The following DIP2A variants were observed in gnomAD, a reference collection of about 807,000 sequenced individuals.
DIP2A encodes DIP2 acetate--CoA ligase A.
In DIP2A, 85 loss-of-function variants were observed where a neutral mutation model predicts 177.4. The observed-to-expected ratio is 0.48, with a 90% confidence interval of 0.40 to 0.57. DIP2A has a LOEUF of 0.57. Among genes scored for constraint, DIP2A ranks in the 20% least tolerant of loss-of-function variants. DIP2A has a pLI of 0.00. For synonymous variants in DIP2A, 886 were observed against 881.8 expected (o/e 1.00, Z -0.08); for missense variants, 1,791 against 2,100.2 (o/e 0.85, Z 2.88).
the DIP2A span, among the ~76,000 whole-genome samples, chr21:46,577,017 T>C: frequency 6.6e-6 from 1 of 152,242 alleles, no homozygotes. Context: ...TTGTAGATTC[T>C]AGATATTGGG....
At chr21:46,468,500 A>C (rs1393645569) in intron 1 of DIP2A, among the ~76,000 whole-genome samples, 4 of 152,034 alleles carry the variant, frequency 2.6e-5, no homozygotes, top group African/African-American at 9.7e-5. Context: ...AGTCAGACTC[A>C]TAGAAGCAGA....
intron 8 of DIP2A, among the ~76,000 whole-genome samples, chr21:46,519,855 A>ACTTTTTTTTTTTTTT (rs2058742276): frequency 1.9e-5 from 1 of 52,978 alleles, no homozygotes. Context: ...ATTGATCTAG[A>ACTTTTTTTTTTTTTT]TTTTTTTTTT....
chr21:46,493,060 C>T (rs1268780593), intron 3 of DIP2A, among the ~76,000 whole-genome samples: 1 of 152,190 alleles, frequency 6.6e-6, no homozygotes, highest in Non-Finnish European at 1.5e-5. Flanking sequence ...TCACCGGACA[C>T]CAACCATGAG....
In DIP2A at chr21:46,529,605, GA is replaced by G. The variant is rs111985953; in HGVS notation, c.1194+436del. ...ACAGAGTGAGACTCCGTCTCAAAGA[GA>G]AAAAAAAAAAAAAGCAGTGAAAAAT... On this transcript the variant is annotated intron_variant, in intron 9 of 37. Coordinates refer to ENST00000417564, the MANE Select transcript of DIP2A (RefSeq NM_015151.4). Among the ~76,000 whole-genome samples the G allele has an allele frequency of 3.0e-3, 361 of 119,960 alleles. 1 individual carries two copies. Among genetic ancestry groups the G allele is most frequent in the East Asian group, 0.015 (62 of 4,104 alleles). 78.7% of individuals were successfully genotyped at this position (119,960 alleles called of 152,430 possible). A position where few individuals can be genotyped will look rare whatever the true frequency, so the allele number is the denominator to read the frequency against.
At chr21:46,477,379 T>C (rs1382165005) in intron 1 of DIP2A, among the ~76,000 whole-genome samples, 1 of 151,170 alleles carries the variant, frequency 6.6e-6, no homozygotes, top group Non-Finnish European at 1.5e-5. Context: ...ATACAAAAAT[T>C]AACGGGGCGT....
rs1485471456 is a variant in DIP2A at position 46,550,891 on chromosome 21, C to T, written c.2839+147C>T. ...CAAGAGCCAGAGCGAGTGTGCACCC[C>T]AGAATGGTGCCACCTCCCGCCTTCC... On this transcript the variant is annotated intron_variant, in intron 23 of 37. Transcript: ENST00000417564. 4.9e-6 allele frequency: 4 copies of T among 813,344 alleles called. No individual in the cohort carries two copies. The Admixed American group carries it at 7.5e-5, about 15-fold the overall frequency. The allele number at this position is 813,344 out of a possible 1,614,324, so 50.4% of individuals were successfully genotyped here. A position where few individuals can be genotyped will look rare whatever the true frequency, so the allele number is the denominator to read the frequency against.
chr21:46,550,556 T>C lies in DIP2A; in HGVS notation c.2651T>C (p.Ile884Thr). The C allele has an allele frequency of 6.2e-7, 1 of 1,613,162 alleles. No individual in the cohort carries two copies. Among genetic ancestry groups the C allele is most frequent in the Non-Finnish European group, 8.5e-7 (1 of 1,179,592 alleles). The change falls in exon 23 of 38, where the codon ATC (isoleucine) becomes ACC (threonine). Residue 884 changes from isoleucine to threonine, a missense_variant. Ile to Thr is a moderately conservative substitution (Grantham distance 89). Coordinates refer to ENST00000417564, the MANE Select transcript of DIP2A (RefSeq NM_015151.4). Reference protein sequence around the residue: ...MSRVLQAIDSIHQVGVYCLAL... With the variant: ...MSRVLQAIDSTHQVGVYCLAL... ...CTTCCCTTTCAGGCCATTGATAGCA[T>C]CCACCAGGTGGGCGTGTACTGTCTG...
intron 8 of DIP2A, among the ~76,000 whole-genome samples, chr21:46,518,919 G>T (rs1341640180): frequency 6.6e-6 from 1 of 152,196 alleles, no homozygotes; most frequent in East Asian, 1.9e-4. Flanking sequence ...TAAAAGAATG[G>T]CTACTCCATA....
chr21:46,531,457 T>G (rs570847307), intron 9 of DIP2A, among the ~76,000 whole-genome samples: 2 of 152,372 alleles, frequency 1.3e-5, no homozygotes, highest in South Asian at 4.1e-4. Context: ...AGTTTAAGAA[T>G]AATACTTTAT....
At chr21:46,463,595 A>C (rs1386106978) in intron 1 of DIP2A, among the ~76,000 whole-genome samples, 1 of 152,166 alleles carries the variant, frequency 6.6e-6, no homozygotes, top group East Asian at 1.9e-4. Context: ...AAGGGGGAAA[A>C]AACTCTGGGT....
rs552013494 is a variant in DIP2A at position 46,555,971 on chromosome 21, C to G, written c.3389-11C>G. ...GGAACACTAATGTTGCTGGTGTCTC[C>G]TGTTTAACAGATGACATCCCAAAAA... On this transcript the variant is annotated splice_polypyrimidine_tract_variant and intron_variant, in intron 28 of 37. Transcript: ENST00000417564. 1.3e-6 allele frequency: 2 copies of G among 1,599,332 alleles called. No homozygotes were observed. Among genetic ancestry groups the G allele is most frequent in the Non-Finnish European group, 1.7e-6 (2 of 1,166,510 alleles).
Position 46,565,797 on chromosome 21 carries a change from C to A in DIP2A, c.4249C>A (p.Arg1417=). The change falls in exon 36 of 38, where the codon CGG becomes AGG. Residue 1417 remains arginine (R), a synonymous_variant. Coordinates refer to ENST00000417564, the MANE Select transcript of DIP2A (RefSeq NM_015151.4). Reference sequence around the variant, plus strand: ...GCTTCATGCCGACCACTTCAGTGCCCGGCTGAGTTTTGGAGACACACAGAC... The same window carrying A: ...GCTTCATGCCGACCACTTCAGTGCCAGGCTGAGTTTTGGAGACACACAGAC... ...EALHADHFSA[R]LSFGDTQTIW... 6.2e-7 allele frequency: 1 copy of A among 1,613,966 alleles called. No individual in the cohort carries two copies. The highest frequency in any genetic ancestry group is 8.5e-7 in the Non-Finnish European group (1 of 1,179,890).
rs58546395 is a variant in DIP2A, at chr21:46,464,844, T to TTTTTTTTTTTCC, written c.91+5622_91+5623insTTTTTTTTTTCC. 2.4e-3 allele frequency among the ~76,000 whole-genome samples: 265 copies of TTTTTTTTTTTCC among 111,198 alleles called. 15 individuals are homozygous for TTTTTTTTTTTCC. Among genetic ancestry groups the TTTTTTTTTTTCC allele is most frequent in the African/African-American group, 7.4e-3 (178 of 23,974 alleles). The allele number at this position is 111,198 out of a possible 152,430, so 73.0% of individuals were successfully genotyped here. ...TTTTTTTTTTTTTTTTTTTTTTTTT[T>TTTTTTTTTTTCC]CAAGAAAACACACAACAAATGTCAG... On this transcript the variant is annotated intron_variant, in intron 1 of 37. Coordinates refer to ENST00000417564, the MANE Select transcript of DIP2A (RefSeq NM_015151.4).
intron 22 of DIP2A, 34 bp from the exon 23 acceptor site, chr21:46,550,509 G>A: frequency 6.3e-7 from 1 of 1,590,624 alleles, no homozygotes; most frequent in Non-Finnish European, 8.6e-7. Flanking sequence ...CCTCAAGTTG[G>A]GGGCCTGTGC....
chr21:46,479,611 G>A (rs1334355591), intron 1 of DIP2A, among the ~76,000 whole-genome samples: 2 of 152,008 alleles, frequency 1.3e-5, no homozygotes, highest in African/African-American at 2.4e-5. Flanking sequence ...CCGCAGCCTC[G>A]AACTCCTGGG....
Position 46,459,094 on chromosome 21 carries a change from C to T in DIP2A, c.-38C>T. The T allele has an allele frequency of 7.0e-7, 1 of 1,423,610 alleles. No homozygotes were observed. The highest frequency in any genetic ancestry group is 9.2e-7 in the Non-Finnish European group (1 of 1,091,326). 88.2% of individuals were successfully genotyped at this position (1,423,610 alleles called of 1,614,324 possible). ...TGCGCTGCCGCCGCCAGGCCCGGTC[C>T]GGTTCCAGCCTCTGCCCGGACGCTA... On this transcript the variant is annotated 5_prime_UTR_variant, in exon 1 of 38. Coordinates refer to ENST00000417564, the MANE Select transcript of DIP2A (RefSeq NM_015151.4).
chr21:46,581,647 G>T, the DIP2A span, among the ~76,000 whole-genome samples: 1 of 152,008 alleles, frequency 6.6e-6, no homozygotes, highest in African/African-American at 2.4e-5. Flanking sequence ...GTCTTTTTTT[G>T]TTGATGTTGT....
At chr21:46,495,133 C>G (rs568415867) in intron 3 of DIP2A, among the ~76,000 whole-genome samples, 3 of 152,040 alleles carry the variant, frequency 2.0e-5, no homozygotes, top group Non-Finnish European at 4.4e-5. Context: ...ATCTCTCTCT[C>G]TCCCTCCCTC....
chr21:46,565,645 T>A (rs1046261144), intron 35 of DIP2A, 68 bp from the exon 36 acceptor site: 38 of 1,473,422 alleles, frequency 2.6e-5, no homozygotes, highest in Non-Finnish European at 3.3e-5. Context: ...GGCCAGTGGA[T>A]GTCTCGTGAC....
Sources: allele counts gnomAD v4.1 joint callset (sites outside exome capture counted in the v4.1 genomes callset), GRCh38; gene constraint gnomAD v4.1.1; transcripts MANE v1.5; gene names NCBI Gene and HGNC (gene_info 2026-07-23, HGNC 2026-07-21).